PKP3: variants seen among roughly 807,000 people sequenced by gnomAD.
The protein encoded by PKP3 is plakophilin 3.
Under a neutral mutation model 76.5 loss-of-function variants are expected in PKP3, and 66 were observed. That is an observed-to-expected ratio of 0.86 (90% CI 0.71 to 1.06). The LOEUF is 1.06. Ranked by LOEUF, PKP3 falls within the 50% of genes least tolerant of loss-of-function variation. The pLI, the probability that PKP3 is intolerant of heterozygous loss-of-function variation, is 0.00. For synonymous variants in PKP3, 638 were observed against 516.5 expected (o/e 1.24, Z -3.19); for missense variants, 1,338 against 1,141.0 (o/e 1.17, Z -2.49).
chr11:396,720 C>CTGAG, intron 2 of PKP3, 33 bp downstream of exon 2: 1 of 1,593,866 alleles, frequency 6.3e-7, no homozygotes, highest in Non-Finnish European at 8.6e-7. Context: ...GGGGGACGAT[C>CTGAG]TGAGCTCTGC....
At chr11:394,573 C>A in intron 1 of PKP3, 49 bp downstream of exon 1, 1 of 1,317,402 alleles carries the variant, frequency 7.6e-7, no homozygotes, top group Non-Finnish European at 9.7e-7. Flanking sequence ...GGAGAGGTGG[C>A]TGCGGGCGGA....
chr11:395,939 A>G (rs959068527), intron 1 of PKP3, among the ~76,000 whole-genome samples: 1 of 151,924 alleles, frequency 6.6e-6, no homozygotes, highest in African/African-American at 2.4e-5. Context: ...CCATCCTTCC[A>G]GCAGTCACAG....
intron 4 of PKP3, among the ~76,000 whole-genome samples, chr11:398,193 TACCTCATCACCTCCGTACCCCCGCACAC>T: frequency 2.5e-5 from 1 of 40,552 alleles, no homozygotes; most frequent in Non-Finnish European, 4.5e-5. Context: ...CCCCCACATA[TACCTCATCACCTCCGTACCCCCGCACAC>T]ACCTGCGTCA....
At chr11:396,260 G>A (rs1847043178) in intron 1 of PKP3, 1 of 262,320 alleles carries the variant, frequency 3.8e-6, no homozygotes, top group African/African-American at 2.2e-5. Flanking sequence ...GCTTCCTGGA[G>A]GAGGCTGGGC....
Position 404,046 on chromosome 11 carries a change from C to T in PKP3, c.2181C>T (p.Asn727=). Residue 727 remains asparagine (N), a synonymous_variant, in exon 11 of 13, where the codon AAC becomes AAT. Coordinates refer to ENST00000331563, the MANE Select transcript of PKP3 (RefSeq NM_007183.4). The surrounding 1 kb of genome is among the most constrained non-coding windows in gnomAD (Gnocchi z 4.2). ...VLVNIIAVLN[N]LVVASPIAAR... Reference sequence around the variant, plus strand: ...TCAACATCATAGCTGTGCTCAACAACCTGGTGGTGGCCAGCCCCATCGCTG... The same window carrying T: ...TCAACATCATAGCTGTGCTCAACAATCTGGTGGTGGCCAGCCCCATCGCTG... The T allele has an allele frequency of 6.2e-7, 1 of 1,612,548 alleles. No individual in the cohort carries two copies. Among genetic ancestry groups the T allele is most frequent in the Non-Finnish European group, 8.5e-7 (1 of 1,179,800 alleles).
upstream of PKP3, among the ~76,000 whole-genome samples, chr11:393,727 G>A (rs1446473057): frequency 6.6e-6 from 1 of 152,064 alleles, no homozygotes; most frequent in East Asian, 1.9e-4. Flanking sequence ...AGTGTCTCCT[G>A]CCAACCCTTC....
In PKP3 at chr11:397,071, C is replaced by T; in HGVS notation, c.570C>T (p.Gly190=). 2 of 1,598,714 alleles carry T rather than the reference C, an allele frequency of 1.3e-6. No individual in the cohort carries two copies. Among genetic ancestry groups the T allele is most frequent in the Non-Finnish European group, 8.5e-7 (1 of 1,179,526 alleles). ...GCTCGCTGCGGCTGGGGCCCGGGGG[C>T]CTGGACGACCGCTACAGCCTGGTGT... The part of the protein sequence containing the change: ...SLRSLRLGPG[G]LDDRYSLVSE... The change falls in exon 3 of 13, where the codon GGC becomes GGT. Residue 190 remains glycine (G), a synonymous_variant. Coordinates refer to ENST00000331563, the MANE Select transcript of PKP3 (RefSeq NM_007183.4).
Position 394,512 on chromosome 11 carries a change from G to C in PKP3, c.220G>C (p.Glu74Gln). The change falls in exon 1 of 13, where the codon GAG (glutamate) becomes CAG (glutamine). Residue 74 changes from glutamate to glutamine, a missense_variant. By Grantham distance (29) the Glu-to-Gln change is conservative. Coordinates refer to ENST00000331563, the MANE Select transcript of PKP3 (RefSeq NM_007183.4). ...GGCCGCTGAGCCCGAGCCTGAGGCC[G>C]AGACTGCCAGAGGTAGGCGGTGGGG... ...NGAAEPEPEA[E>Q]TARGTSRGQY... 7.2e-7 allele frequency: 1 copy of C among 1,384,000 alleles called. No individual in the cohort carries two copies. The highest frequency in any genetic ancestry group is 9.3e-7 in the Non-Finnish European group (1 of 1,076,740). 85.7% of individuals were successfully genotyped at this position (1,384,000 alleles called of 1,614,324 possible). A position where few individuals can be genotyped will look rare whatever the true frequency, so the allele number is the denominator to read the frequency against.
chr11:394,416 C>T lies in PKP3; in HGVS notation c.124C>T (p.Arg42Trp), dbSNP rs533074372. 5.4e-6 allele frequency: 8 copies of T among 1,469,984 alleles called. No individual in the cohort carries two copies. The highest frequency in any genetic ancestry group is 2.8e-5 in the East Asian group (1 of 35,482). 91.1% of individuals were successfully genotyped at this position (1,469,984 alleles called of 1,614,324 possible). The change falls in exon 1 of 13, where the codon CGG (arginine) becomes TGG (tryptophan). Residue 42 changes from arginine (R) to tryptophan (W), a missense_variant. By Grantham distance (101) the Arg-to-Trp change is moderately radical. Transcript: ENST00000331563. ...GAEGPEAERL[R>W]AARVQEQVRA... is the part of the protein sequence containing the mutation. ...CGAGGGGCCGGAGGCCGAGCGGCTG[C>T]GGGCAGCCCGCGTCCAGGAGCAGGT... is the stretch of plus-strand genomic sequence containing the variant.
At position 404,075 on chromosome 11, in the gene PKP3, G is replaced by A. The variant is rs373238416; in HGVS notation, c.2210G>A (p.Arg737Gln). The A allele has an allele frequency of 5.8e-5, 93 of 1,612,474 alleles. No individual in the cohort carries two copies. The Middle Eastern group carries it at 8.3e-4, about 14-fold the overall frequency. ...GTGGTGGCCAGCCCCATCGCTGCCC[G>A]AGACCTGCTGTATTTTGACGGACTC... Reference protein sequence around the residue: ...NLVVASPIAARDLLYFDGLRK... With the variant: ...NLVVASPIAAQDLLYFDGLRK... The change falls in exon 11 of 13, where the codon CGA becomes CAA. Residue 737 changes from arginine to glutamine, a missense_variant. Transcript: ENST00000331563. The surrounding 1 kb of genome is among the most constrained non-coding windows in gnomAD (Gnocchi z 4.2).
Position 403,272 on chromosome 11 carries a change from C to G in PKP3, c.1923+9C>G. ...CGGCAGGCGACCGCAGGGTGGGGCA[C>G]CCAACCCAGACCCGAGGGGGTCCCA... On this transcript the variant is annotated intron_variant, in intron 9 of 12. Coordinates refer to ENST00000331563, the MANE Select transcript of PKP3 (RefSeq NM_007183.4). The G allele has an allele frequency of 3.2e-6, 5 of 1,565,248 alleles. No individual in the cohort carries two copies. Among genetic ancestry groups the G allele is most frequent in the Non-Finnish European group, 4.3e-6 (5 of 1,161,300 alleles).
At chr11:400,836 AC>A (rs1187782821) in intron 8 of PKP3, 131 bp downstream of exon 8, 7 of 169,428 alleles carry the variant, frequency 4.1e-5, no homozygotes, top group African/African-American at 9.8e-5. Flanking sequence ...GACCCCGCTC[AC>A]CCCCGCCCCG....
rs1289375392 is a variant in PKP3 at position 403,634 on chromosome 11, G to A, written c.1940G>A (p.Ser647Asn). The A allele has an allele frequency of 2.5e-6, 4 of 1,606,580 alleles. No individual in the cohort carries two copies. Among genetic ancestry groups the A allele is most frequent in the Non-Finnish European group, 3.4e-6 (4 of 1,179,812 alleles). ...AGDRRWAGVL[S>N]RLALEQERIL... Reference sequence around the variant, plus strand: ...TCCCCACAGTGGGCGGGGGTGCTGAGCCGCCTGGCCCTGGAGCAGGAGCGT... The same window carrying A: ...TCCCCACAGTGGGCGGGGGTGCTGAACCGCCTGGCCCTGGAGCAGGAGCGT... The change falls in exon 10 of 13, where the codon AGC becomes AAC. Residue 647 changes from serine (S) to asparagine (N), a missense_variant. Physicochemically the swap from Ser to Asn is conservative, Grantham distance 46. Coordinates refer to ENST00000331563, the MANE Select transcript of PKP3 (RefSeq NM_007183.4).
intron 8 of PKP3, 106 bp downstream of exon 8, chr11:400,811 G>GGA (rs1172116553): frequency 1.6e-5 from 6 of 378,698 alleles, no homozygotes; most frequent in Non-Finnish European, 1.9e-5. Context: ...CGCTCACCCC[G>GGA]CCCCGCTCAC....
intron 5 of PKP3, 38 bp from the exon 6 acceptor site, chr11:399,929 G>T: frequency 6.5e-7 from 1 of 1,538,794 alleles, no homozygotes; most frequent in East Asian, 2.4e-5. Flanking sequence ...GAGGGGGTTG[G>T]AGGGCAGACG....
chr11:392,970 C>A (rs1191431118), upstream of PKP3, among the ~76,000 whole-genome samples: 2 of 152,008 alleles, frequency 1.3e-5, no homozygotes, highest in African/African-American at 2.4e-5. Context: ...GGGCAAGGGT[C>A]TGCCCTGGAG....
Position 403,109 on chromosome 11 carries a change from C to A in PKP3, c.1769C>A (p.Ala590Glu). ...LPLAADALTF[A>E]EVSKDPKGLE... Reference sequence around the variant, plus strand: ...CTCGCCGCCGATGCGCTCACCTTCGCGGAGGTGTCCAAGGACCCCAAGGGC... The same window carrying A: ...CTCGCCGCCGATGCGCTCACCTTCGAGGAGGTGTCCAAGGACCCCAAGGGC... Residue 590 changes from alanine (A) to glutamate (E), a missense_variant, in exon 9 of 13, where the codon GCG becomes GAG. Coordinates refer to ENST00000331563, the MANE Select transcript of PKP3 (RefSeq NM_007183.4). 3 of 1,544,086 alleles carry A rather than the reference C, an allele frequency of 1.9e-6. No homozygotes were observed. The highest frequency in any genetic ancestry group is 1.7e-6 in the Non-Finnish European group (2 of 1,147,494).
Position 396,852 on chromosome 11 carries a change from C to A in PKP3, c.351C>A (p.Ala117=). Residue 117 remains alanine, a synonymous_variant, in exon 3 of 13, where the codon GCC becomes GCA. Coordinates refer to ENST00000331563, the MANE Select transcript of PKP3 (RefSeq NM_007183.4). ...TCGCCAAGCCGGCCTACAGCCCAGC[C>A]TCCTGGTCCTCCCGCTCCGCCGTGG... ...RPIAKPAYSP[A]SWSSRSAVDL... The A allele has an allele frequency of 1.2e-6, 2 of 1,600,350 alleles. No individual in the cohort carries two copies. The highest frequency in any genetic ancestry group is 2.2e-5 in the East Asian group (1 of 44,584).
Position 396,657 on chromosome 11 carries a change from C to A in PKP3, c.282C>A (p.Arg94=), listed in dbSNP as rs893453772. The change falls in exon 2 of 13, where the codon CGC becomes CGA. Residue 94 remains arginine, a synonymous_variant. Transcript: ENST00000331563. The part of the protein sequence containing the change: ...YHTLQAGFSS[R]SQGLSGDKTS... ...CCCTGCAGGCTGGCTTCAGCTCTCG[C>A]TCTCAGGGCCTGAGTGGGGACAAGA... 1.9e-6 allele frequency: 3 copies of A among 1,611,254 alleles called. No homozygotes were observed. Among genetic ancestry groups the A allele is most frequent in the Non-Finnish European group, 2.5e-6 (3 of 1,179,380 alleles).
Sources: allele counts gnomAD v4.1 joint callset (sites outside exome capture counted in the v4.1 genomes callset), GRCh38; gene constraint gnomAD v4.1.1; non-coding constraint Gnocchi (gnomAD v3.1); transcripts MANE v1.5; gene names NCBI Gene and HGNC (gene_info 2026-07-23, HGNC 2026-07-21).